The following DOCK2 variants were observed in gnomAD, a reference collection of about 807,000 sequenced individuals.
The protein encoded by DOCK2 is dedicator of cytokinesis protein 2.
DOCK2 carries 87 observed loss-of-function variants against 248.9 expected under a neutral mutation model. The ratio of observed to expected loss-of-function variants is 0.35; its 90% CI spans 0.29 to 0.42. The LOEUF (loss-of-function observed/expected upper bound fraction) is 0.42, where lower values mean the gene tolerates loss of function less well. DOCK2 is among the 10% of genes least tolerant of loss of function. The pLI is 1.00. For synonymous variants in DOCK2, 805 were observed against 821.6 expected, an observed-to-expected ratio of 0.98 and a Z score of 0.35; for missense variants, 1,747 against 2,300.2, an observed-to-expected ratio of 0.76 and a Z score of 4.92.
intron 39 of DOCK2, 37 bp from the exon 40 acceptor site, chr5:170,047,473 C>T: frequency 1.9e-6 from 3 of 1,594,066 alleles, no homozygotes; most frequent in Non-Finnish European, 2.6e-6. Context: ...CTTTGATACA[C>T]ATCTGTGTTG....
chr5:170,011,959 G>A (rs1442033603), intron 32 of DOCK2, among the ~76,000 whole-genome samples: 1 of 152,184 alleles, frequency 6.6e-6, no homozygotes, highest in East Asian at 1.9e-4. Context: ...GAAAATTAAA[G>A]CTTCAGTTTA....
In DOCK2 at chr5:169,714,335, T is replaced by G. The variant is rs1761781504; in HGVS notation, c.1844-25T>G. ...GGACAGTTAGGCCAGTAATGATACT[T>G]CTGAATGTCTGGACTCTATTTTAGT... is the stretch of plus-strand genomic sequence containing the variant. On this transcript the variant is annotated intron_variant, in intron 18 of 51. Coordinates refer to ENST00000520908, the MANE Select transcript of DOCK2 (RefSeq NM_004946.3). 11 of 1,613,834 alleles carry G rather than the reference T, an allele frequency of 6.8e-6. No homozygotes were observed. In the South Asian group the frequency reaches 9.9e-5, roughly 14 times the overall value.
intron 25 of DOCK2, among the ~76,000 whole-genome samples, chr5:169,781,184 G>A (rs1765697530): frequency 6.6e-6 from 1 of 152,198 alleles, no homozygotes; most frequent in African/African-American, 2.4e-5. Context: ...TTTGGAATGT[G>A]GGAGGAAATT....
rs113286850 is a variant in DOCK2, at chr5:169,733,957, G to A, written c.2268-13439G>A. 8.1e-4 allele frequency among the ~76,000 whole-genome samples: 123 copies of A among 152,104 alleles called. 1 individual carries two copies. The highest frequency in any genetic ancestry group is 2.8e-3 in the African/African-American group (115 of 41,508). ...CAATTCCAAAAAAACTATTATTCTTGCTTTTTTAAATATTCACATTTCTCC... is the reference window on the plus strand; with the variant it reads ...CAATTCCAAAAAAACTATTATTCTTACTTTTTTAAATATTCACATTTCTCC... On this transcript the variant is annotated intron_variant, in intron 22 of 51. Transcript: ENST00000520908.
intron 13 of DOCK2, among the ~76,000 whole-genome samples, chr5:169,700,549 C>T (rs1760907267): frequency 1.3e-5 from 2 of 150,692 alleles, no homozygotes; most frequent in Admixed American, 1.3e-4. Flanking sequence ...TTTATATTAC[C>T]AAAGGAATTT....
chr5:169,803,357 C>G, intron 26 of DOCK2, 151 bp downstream of exon 26: 1 of 1,007,344 alleles, frequency 9.9e-7, no homozygotes, highest in South Asian at 1.8e-5. Context: ...GTGACTAACC[C>G]CCATTGCTGT....
At chr5:169,723,595 C>T (rs997858115) in intron 22 of DOCK2, among the ~76,000 whole-genome samples, 5 of 152,158 alleles carry the variant, frequency 3.3e-5, no homozygotes, top group African/African-American at 1.2e-4. Flanking sequence ...CACTTTGTGC[C>T]AACCACACTG....
In DOCK2 at chr5:169,819,648, A is replaced by G. The variant is rs140471474; in HGVS notation, c.2703+16442A>G. 6.6e-5 allele frequency among the ~76,000 whole-genome samples: 10 copies of G among 152,276 alleles called. No individual in the cohort carries two copies. In the East Asian group the frequency reaches 1.9e-3, roughly 29 times the overall value. On this transcript the variant is annotated intron_variant, in intron 26 of 51. Coordinates refer to ENST00000520908, the MANE Select transcript of DOCK2 (RefSeq NM_004946.3). ...AAAAAACAAAACAGATTGGGTTCCAAGATAGCCGAATAGGAACAGCTCCAG... is the reference window on the plus strand; with the variant it reads ...AAAAAACAAAACAGATTGGGTTCCAGGATAGCCGAATAGGAACAGCTCCAG...
chr5:169,972,874 G>C (rs762493361), intron 27 of DOCK2, among the ~76,000 whole-genome samples: 5 of 152,120 alleles, frequency 3.3e-5, no homozygotes, highest in Non-Finnish European at 7.4e-5. Flanking sequence ...GCAATGCAGA[G>C]TTTGCAAAGG....
At chr5:169,911,570 T>C (rs1774601628) in intron 27 of DOCK2, among the ~76,000 whole-genome samples, 2 of 152,230 alleles carry the variant, frequency 1.3e-5, no homozygotes, top group African/African-American at 4.8e-5. Flanking sequence ...GTAATTATAC[T>C]TTATGAGGAC....
chr5:169,872,550 G>A (rs1439477789), intron 27 of DOCK2, among the ~76,000 whole-genome samples: 1 of 152,126 alleles, frequency 6.6e-6, no homozygotes. Context: ...AAAATCACAG[G>A]TTCTCTTCTT....
chr5:169,860,448 A>G (rs1228444431), intron 27 of DOCK2, among the ~76,000 whole-genome samples: 1 of 152,010 alleles, frequency 6.6e-6, no homozygotes, highest in Non-Finnish European at 1.5e-5. Flanking sequence ...TTGTCAAGGC[A>G]CTCTTGGGAG....
intron 32 of DOCK2, among the ~76,000 whole-genome samples, chr5:170,014,399 T>C (rs1755430391): frequency 6.6e-6 from 1 of 152,176 alleles, no homozygotes; most frequent in Non-Finnish European, 1.5e-5. Context: ...AAGTTAATTT[T>C]AACAATACAT....
At position 170,037,772 on chromosome 5, in the gene DOCK2, C is replaced by G. The variant is rs529411035; in HGVS notation, c.3665+1217C>G. Among the ~76,000 whole-genome samples the G allele has an allele frequency of 3.1e-4, 47 of 152,304 alleles. 4 individuals carry two copies. The South Asian group carries it at 7.5e-3, about 24-fold the overall frequency. On this transcript the variant is annotated intron_variant, in intron 36 of 51. Coordinates refer to ENST00000520908, the MANE Select transcript of DOCK2 (RefSeq NM_004946.3). ...AAGTGCTGGGATTACAGGCGTGAGC[C>G]ACTGCGTCCGGCCACAACAACAAAA... is the stretch of plus-strand genomic sequence containing the variant.
chr5:170,079,266 G>T (rs1757943919), intron 49 of DOCK2, 120 bp downstream of exon 49: 2 of 1,354,612 alleles, frequency 1.5e-6, no homozygotes, highest in Non-Finnish European at 2.0e-6. Flanking sequence ...CGGTGCTATG[G>T]GTATTGCAGA....
At chr5:169,998,962 G>C (rs1754740045) in intron 30 of DOCK2, among the ~76,000 whole-genome samples, 1 of 152,182 alleles carries the variant, frequency 6.6e-6, no homozygotes, top group South Asian at 2.1e-4. Context: ...GGGGCAACTT[G>C]GAACACCATA....
At chr5:170,030,594 C>T (rs1271775863) in intron 34 of DOCK2, among the ~76,000 whole-genome samples, 1 of 152,134 alleles carries the variant, frequency 6.6e-6, no homozygotes, top group Non-Finnish European at 1.5e-5. Context: ...TTAAGTGTCC[C>T]TAGTCTGAAA....
At position 170,083,219 on chromosome 5, in the gene DOCK2, CA is replaced by C. The variant is rs1758095872; in HGVS notation, c.*362del. On this transcript the variant is annotated 3_prime_UTR_variant, in exon 52 of 52. Coordinates refer to ENST00000520908, the MANE Select transcript of DOCK2 (RefSeq NM_004946.3). Reference sequence around the variant, plus strand: ...TCATTTATTAAGTCTCAGAACTTAACAGAAAAGGAAGCCTTTTAAATATTCT... The same window carrying C: ...TCATTTATTAAGTCTCAGAACTTAACGAAAAGGAAGCCTTTTAAATATTCT... The C allele has an allele frequency of 4.1e-5, 8 of 195,274 alleles. No homozygotes were observed. In the South Asian group the frequency reaches 1.4e-3, roughly 35 times the overall value. The allele number at this position is 195,274 out of a possible 1,614,324, so 12.1% of individuals were successfully genotyped here. A position where few individuals can be genotyped will look rare whatever the true frequency, so the allele number is the denominator to read the frequency against.
At chr5:169,991,398 C>T (rs1778201949) in intron 29 of DOCK2, among the ~76,000 whole-genome samples, 1 of 152,242 alleles carries the variant, frequency 6.6e-6, no homozygotes, top group South Asian at 2.1e-4. Context: ...CAACAGCTGA[C>T]TTATCTGTTC....
Sources: gnomAD v4.1 joint callset for allele counts (sites outside exome capture counted in the v4.1 genomes callset) on GRCh38, gnomAD v4.1.1 for gene constraint, MANE v1.5 for transcripts, NCBI Gene and HGNC (gene_info 2026-07-23, HGNC 2026-07-21) for gene names.